Variants in AFF3 observed in about 807,000 individuals in gnomAD.
AFF3 encodes the protein AF4/FMR2 family member 3.
A neutral mutation model predicts 129.7 loss-of-function variants in AFF3; 32 were observed. The observed-to-expected ratio is 0.25, with a 90% confidence interval of 0.19 to 0.33. AFF3 has a LOEUF of 0.33. Ranked by LOEUF, AFF3 falls within the 10% of genes least tolerant of loss-of-function variation. The pLI is 1.00. For synonymous variants in AFF3, 644 were observed against 635.4 expected, an observed-to-expected ratio of 1.01 and a Z score of -0.20; for missense variants, 1,373 against 1,592.0, an observed-to-expected ratio of 0.86 and a Z score of 2.34.
At chr2:99,660,893 G>A (rs976885334) in intron 12 of AFF3, among the ~76,000 whole-genome samples, 2 of 152,180 alleles carry the variant, frequency 1.3e-5, no homozygotes, top group African/African-American at 4.8e-5. Context: ...ATTTTTCTCC[G>A]TGTAGAAACA....
chr2:100,099,398 G>A (rs1453294611), intron 4 of AFF3, among the ~76,000 whole-genome samples: 1 of 152,180 alleles, frequency 6.6e-6, no homozygotes, highest in Non-Finnish European at 1.5e-5. Flanking sequence ...AAAAGCATCA[G>A]CGGGCACTAC....
At chr2:99,889,540 G>C (rs1294519657) in intron 7 of AFF3, among the ~76,000 whole-genome samples, 2 of 152,216 alleles carry the variant, frequency 1.3e-5, no homozygotes, top group Non-Finnish European at 2.9e-5. Flanking sequence ...CCCAGGGGCA[G>C]AGGCAGGTTA....
chr2:100,020,803 C>G (rs915833815), intron 4 of AFF3, among the ~76,000 whole-genome samples: 1 of 152,222 alleles, frequency 6.6e-6, no homozygotes, highest in African/African-American at 2.4e-5. Context: ...CCTGCAGAGC[C>G]TCCTAAAATG....
intron 2 of AFF3, among the ~76,000 whole-genome samples, chr2:100,111,794 G>A (rs72819174): frequency 0.055 from 8,313 of 152,238 alleles, 325 homozygotes; most frequent in Non-Finnish European, 0.084. Context: ...TAATAAGATC[G>A]CAGAAGCTTG....
chr2:99,654,693 T>A (rs982619683), intron 12 of AFF3, among the ~76,000 whole-genome samples: 17 of 152,226 alleles, frequency 1.1e-4, no homozygotes, highest in African/African-American at 3.4e-4. Context: ...ACGTCATTGA[T>A]CCTTCCTGAG....
intron 4 of AFF3, among the ~76,000 whole-genome samples, chr2:100,031,695 G>A (rs1039786452): frequency 6.6e-6 from 1 of 152,208 alleles, no homozygotes; most frequent in African/African-American, 2.4e-5. Flanking sequence ...GTATCAAAGG[G>A]TTACAGGAGG....
intron 8 of AFF3, among the ~76,000 whole-genome samples, chr2:99,773,509 G>A (rs1027112422): frequency 2.0e-5 from 3 of 150,450 alleles, no homozygotes; most frequent in African/African-American, 4.9e-5. Context: ...ACTGTGCTAC[G>A]TCAATTCCTG....
chr2:99,642,100 C>A (rs1684256726), intron 13 of AFF3, among the ~76,000 whole-genome samples: 1 of 152,186 alleles, frequency 6.6e-6, no homozygotes. Context: ...GAAGACAGCA[C>A]ACTTTAAGTC....
chr2:99,648,909 A>ACTCTCTCTCTCTCT lies in AFF3; in HGVS notation c.1184+716_1184+717insAGAGAGAGAGAGAG, dbSNP rs1553416890. ...CGCACACACACACACACACACACACACACACACACTCTCTCTCTCTCTCTC... is the reference window on the plus strand; with the variant it reads ...CGCACACACACACACACACACACACACTCTCTCTCTCTCTCACACACACTCTCTCTCTCTCTCTC... On this transcript the variant is annotated intron_variant, in intron 13 of 24. Coordinates refer to ENST00000672756, the MANE Select transcript of AFF3 (RefSeq NM_001386135.1). 1.6e-3 allele frequency among the ~76,000 whole-genome samples: 69 copies of ACTCTCTCTCTCTCT among 43,054 alleles called. No homozygotes were observed. The East Asian group carries it at 0.019, about 12-fold the overall frequency. The allele number at this position is 43,054 out of a possible 152,430, so 28.2% of individuals were successfully genotyped here. A position where few individuals can be genotyped will look rare whatever the true frequency, so the allele number is the denominator to read the frequency against.
chr2:100,065,433 A>G (rs1382701841), intron 4 of AFF3, among the ~76,000 whole-genome samples: 1 of 152,238 alleles, frequency 6.6e-6, no homozygotes, highest in Non-Finnish European at 1.5e-5. Flanking sequence ...TACGATATGC[A>G]TATTTATAGA....
Position 100,129,241 on chromosome 2 carries a change from C to T in AFF3, c.-162G>A, listed in dbSNP as rs1473657361. The stretch of plus-strand genomic sequence containing the variant: ...ATGTGTACCTGCTTGCCAGTTACTC[C>T]GGATTGATGCTTCCCGATGTAAACA... On this transcript the variant is annotated 5_prime_UTR_variant, in exon 2 of 25. Transcript: ENST00000672756. 1.3e-5 allele frequency: 2 copies of T among 152,116 alleles called. No individual in the cohort carries two copies. Among genetic ancestry groups the T allele is most frequent in the African/African-American group, 4.8e-5 (2 of 41,416 alleles). 9.4% of individuals were successfully genotyped at this position (152,116 alleles called of 1,614,324 possible).
In AFF3 at chr2:99,968,501, T is replaced by C. The variant is rs568753800; in HGVS notation, c.873+38131A>G. Among the ~76,000 whole-genome samples the C allele has an allele frequency of 2.6e-4, 40 of 152,284 alleles. 1 individual carries two copies. The Middle Eastern group carries it at 0.014, about 52-fold the overall frequency. ...TCCAAGTGGCTGCAATTAAAGCAAA[T>C]CTTTTTTTTCTCCACTTTGGTTGAC... On this transcript the variant is annotated intron_variant, in intron 7 of 24. Coordinates refer to ENST00000672756, the MANE Select transcript of AFF3 (RefSeq NM_001386135.1).
intron 13 of AFF3, among the ~76,000 whole-genome samples, chr2:99,608,019 T>C (rs1295115440): frequency 1.3e-5 from 2 of 152,236 alleles, no homozygotes; most frequent in Non-Finnish European, 2.9e-5. Context: ...ATGTAATTGT[T>C]TGTTCTGCAA....
intron 12 of AFF3, among the ~76,000 whole-genome samples, chr2:99,655,593 C>T (rs901917080): frequency 2.6e-5 from 4 of 152,018 alleles, no homozygotes; most frequent in Non-Finnish European, 2.9e-5. Flanking sequence ...AGGCCAATCC[C>T]AAGGGTTTTA....
rs80245031 is a variant in AFF3 at position 100,107,699 on chromosome 2, T to C, written c.-144-2116A>G. ...CCCGGGTCAGGTTGGTTGGTTGGTG[T>C]AGACTAAATGTACCAAAGAAAGGGA... On this transcript the variant is annotated intron_variant, in intron 2 of 24. Transcript: ENST00000672756. Among the ~76,000 whole-genome samples the C allele has an allele frequency of 3.7e-4, 56 of 152,204 alleles. 1 individual carries two copies. In the East Asian group the frequency reaches 9.9e-3, roughly 27 times the overall value.
rs928097064 is a variant in AFF3, at chr2:100,022,186, AT to A, written c.54-13255del. 5.1e-4 allele frequency among the ~76,000 whole-genome samples: 77 copies of A among 152,318 alleles called. 1 individual carries two copies. Among genetic ancestry groups the A allele is most frequent in the East Asian group, 2.5e-3 (13 of 5,174 alleles). On this transcript the variant is annotated intron_variant, in intron 4 of 24. Coordinates refer to ENST00000672756, the MANE Select transcript of AFF3 (RefSeq NM_001386135.1). ...CAAGGGGTCTTCCTATAGCTGTGGC[AT>A]CACTCACAAGTTCCCAATTTCAGTT...
chr2:99,672,416 G>GC, intron 12 of AFF3, 122 bp downstream of exon 12: 2 of 834,378 alleles, frequency 2.4e-6, no homozygotes, highest in South Asian at 3.3e-5. Context: ...CTCACACTTA[G>GC]CAGACAAAAG....
intron 9 of AFF3, among the ~76,000 whole-genome samples, chr2:99,744,527 G>A (rs1680977932): frequency 6.6e-6 from 1 of 152,046 alleles, no homozygotes; most frequent in Non-Finnish European, 1.5e-5. Context: ...CCATTAAGCA[G>A]GGTCTCCCAT....
chr2:99,977,786 G>A (rs1287769328), intron 7 of AFF3, among the ~76,000 whole-genome samples: 1 of 152,098 alleles, frequency 6.6e-6, no homozygotes, highest in Admixed American at 6.5e-5. Flanking sequence ...CACCTGTTGT[G>A]GCCTTACAGG....
Sources: allele counts gnomAD v4.1 joint callset (sites outside exome capture counted in the v4.1 genomes callset), GRCh38; gene constraint gnomAD v4.1.1; transcripts MANE v1.5; gene names NCBI Gene and HGNC (gene_info 2026-07-23, HGNC 2026-07-21).